Variants in ZFAT observed in about 807,000 individuals in gnomAD.
ZFAT encodes the protein zinc finger and AT-hook domain containing.
A neutral mutation model predicts 117.7 loss-of-function variants in ZFAT; 64 were observed. That is an observed-to-expected ratio of 0.54 (90% CI 0.44 to 0.67). ZFAT has a LOEUF of 0.67. ZFAT is among the 30% of genes least tolerant of loss of function. ZFAT has a pLI of 0.00. For missense variants in ZFAT, 1,433 were observed against 1,584.5 expected (o/e 0.90, Z 1.62); for synonymous variants, 679 against 615.0 (o/e 1.10, Z -1.54).
At chr8:134,802,125 T>C in the ZFAT span, among the ~76,000 whole-genome samples, 1 of 152,138 alleles carries the variant, frequency 6.6e-6, no homozygotes, top group African/African-American at 2.4e-5. Flanking sequence ...GTCAAATTAC[T>C]AGGAAGTTTG....
intron 11 of ZFAT, among the ~76,000 whole-genome samples, chr8:134,554,167 G>A (rs773565677): frequency 1.3e-5 from 2 of 152,166 alleles, no homozygotes; most frequent in Non-Finnish European, 2.9e-5. Context: ...CTGACTCCCA[G>A]CTTCAAGTTC....
chr8:134,770,750 T>A, the ZFAT span, among the ~76,000 whole-genome samples: 2 of 152,234 alleles, frequency 1.3e-5, no homozygotes, highest in South Asian at 4.1e-4. Flanking sequence ...GAATTCTTTT[T>A]CTCAGCGTGG....
At chr8:134,479,740 A>G (rs1817157235) in intron 15 of ZFAT, among the ~76,000 whole-genome samples, 1 of 152,166 alleles carries the variant, frequency 6.6e-6, no homozygotes, top group Non-Finnish European at 1.5e-5. Context: ...TTTGTCCTGC[A>G]CTGACCGGGC....
At chr8:134,772,668 G>A in the ZFAT span, among the ~76,000 whole-genome samples, 2 of 152,236 alleles carry the variant, frequency 1.3e-5, no homozygotes, top group Admixed American at 6.5e-5. Flanking sequence ...TAAGATCACT[G>A]ATGAAAAGGT....
At chr8:134,634,038 C>G (rs1239767889) in intron 3 of ZFAT, among the ~76,000 whole-genome samples, 1 of 149,354 alleles carries the variant, frequency 6.7e-6, no homozygotes, top group Non-Finnish European at 1.5e-5. Context: ...AAGAGCAAAA[C>G]TCCATCTCAA....
chr8:134,788,322 A>G, the ZFAT span, among the ~76,000 whole-genome samples: 2 of 152,182 alleles, frequency 1.3e-5, no homozygotes, highest in South Asian at 2.1e-4. Context: ...TTGGTATGTC[A>G]TATTATTCAC....
At chr8:134,755,821 AAAAAAAAAAAAAAAAG>A in the ZFAT span, among the ~76,000 whole-genome samples, 1 of 139,902 alleles carries the variant, frequency 7.1e-6, no homozygotes, top group Non-Finnish European at 1.5e-5. Context: ...CCATCTCAAA[AAAAAAAAAAAAAAAAG>A]AAAAAGAAAA....
At chr8:134,707,287 C>T (rs190847061) in intron 1 of ZFAT, among the ~76,000 whole-genome samples, 2 of 152,254 alleles carry the variant, frequency 1.3e-5, no homozygotes, top group Admixed American at 1.3e-4. Flanking sequence ...AGACCCATTC[C>T]TACAGGAATC....
chr8:134,710,707 A>C (rs1813960899), intron 1 of ZFAT, among the ~76,000 whole-genome samples: 1 of 152,222 alleles, frequency 6.6e-6, no homozygotes, highest in African/African-American at 2.4e-5. Flanking sequence ...TTTGATGTGC[A>C]CCTTATACAC....
chr8:134,781,836 T>G, the ZFAT span, among the ~76,000 whole-genome samples: 5 of 152,178 alleles, frequency 3.3e-5, no homozygotes, highest in Non-Finnish European at 5.9e-5. Flanking sequence ...CTTAATGAAG[T>G]GTAAATATAT....
intron 11 of ZFAT, among the ~76,000 whole-genome samples, chr8:134,550,310 G>GAAAAAAAAAAAAAAAAAAA (rs10680896): frequency 1.2e-4 from 9 of 72,526 alleles, no homozygotes; most frequent in East Asian, 4.9e-4. Flanking sequence ...GGTCACAACG[G>GAAAAAAAAAAAAAAAAAAA]AAAAAAAAAA....
chr8:134,536,189 G>C (rs1372870765), intron 11 of ZFAT, among the ~76,000 whole-genome samples: 2 of 152,184 alleles, frequency 1.3e-5, no homozygotes, highest in African/African-American at 4.8e-5. Context: ...TCAGTCTCTT[G>C]AGCTAGCAAT....
At chr8:134,739,233 GA>G in the ZFAT span, among the ~76,000 whole-genome samples, 1 of 152,050 alleles carries the variant, frequency 6.6e-6, no homozygotes, top group African/African-American at 2.4e-5. Context: ...CAGCCCAAAA[GA>G]AAAAACAAAG....
Position 134,512,481 on chromosome 8 carries a change from C to T in ZFAT, c.3355G>A (p.Glu1119Lys). 1.2e-6 allele frequency: 2 copies of T among 1,613,884 alleles called. No individual in the cohort carries two copies. Among genetic ancestry groups the T allele is most frequent in the Non-Finnish European group, 1.7e-6 (2 of 1,179,820 alleles). The part of the protein sequence containing the change: ...AALQDLRYTS[E>K]SGDRLDPTAV... ...GAAGACCAGGCGTCCTCACCACTCT[C>T]AGAGGTGTATCTCAGGTCCTGGAGC... The change falls in exon 14 of 16, where the codon GAG (glutamate) becomes AAG (lysine). Residue 1119 changes from glutamate (E) to lysine (K), a missense_variant. Glu to Lys is a moderately conservative substitution (Grantham distance 56). Around this residue, in one of 5 missense-constraint regions of ZFAT, gnomAD observed 503 missense variants for 543.4 expected, o/e 0.93. Coordinates refer to ENST00000377838, the MANE Select transcript of ZFAT (RefSeq NM_020863.4).
intron 8 of ZFAT, among the ~76,000 whole-genome samples, chr8:134,590,054 G>A (rs1826349160): frequency 6.6e-6 from 1 of 152,232 alleles, no homozygotes; most frequent in East Asian, 1.9e-4. Context: ...CAGGGGTGAG[G>A]GTTGATGCAT....
At chr8:134,611,284 G>A (rs1220186732) in intron 3 of ZFAT, among the ~76,000 whole-genome samples, 4 of 152,378 alleles carry the variant, frequency 2.6e-5, no homozygotes, top group East Asian at 1.9e-4. Context: ...AAGCATGTGC[G>A]AAGCAATGGT....
the ZFAT span, among the ~76,000 whole-genome samples, chr8:134,770,802 C>G: frequency 6.6e-6 from 1 of 152,218 alleles, no homozygotes; most frequent in Non-Finnish European, 1.5e-5. Context: ...GGGTAGGTCT[C>G]TAAACTGGGC....
At chr8:134,669,459 A>C (rs1438933824) in intron 1 of ZFAT, among the ~76,000 whole-genome samples, 1 of 152,228 alleles carries the variant, frequency 6.6e-6, no homozygotes, top group Admixed American at 6.5e-5. Flanking sequence ...AACATTCTTG[A>C]AGAAAAGAAA....
the ZFAT span, among the ~76,000 whole-genome samples, chr8:134,813,499 C>T: frequency 2.2e-4 from 34 of 152,290 alleles, no homozygotes; most frequent in Admixed American, 9.2e-4. Context: ...CTGCAACCTC[C>T]GCTTCCCCGT....
Sources: gnomAD v4.1 joint callset for allele counts (sites outside exome capture counted in the v4.1 genomes callset) on GRCh38, gnomAD v4.1.1 for gene constraint, gnomAD v4.1.1 regional missense constraint, MANE v1.5 for transcripts, NCBI Gene and HGNC (gene_info 2026-07-23, HGNC 2026-07-21) for gene names.